Variants in GLCE observed in about 807,000 individuals in gnomAD.
GLCE encodes D-glucuronyl C5-epimerase.
GLCE carries 19 observed loss-of-function variants against 47.9 expected under a neutral mutation model. The observed-to-expected ratio is 0.40, with a 90% CI of 0.28 to 0.58. The LOEUF (loss-of-function observed/expected upper bound fraction) is 0.58. Ranked by LOEUF, GLCE falls within the 20% of genes least tolerant of loss-of-function variation. The pLI is 0.48. For synonymous variants in GLCE, 245 were observed against 263.4 expected (o/e 0.93, Z 0.68); for missense variants, 556 against 743.3 (o/e 0.75, Z 2.93).
intron 1 of GLCE, among the ~76,000 whole-genome samples, chr15:69,187,728 TG>T (rs1157072030): frequency 2.0e-5 from 3 of 152,168 alleles, no homozygotes; most frequent in African/African-American, 4.8e-5. Flanking sequence ...TTACATCAAT[TG>T]ATTCTCAAAT....
chr15:69,183,279 A>G (rs1357396750), intron 1 of GLCE, among the ~76,000 whole-genome samples: 1 of 152,180 alleles, frequency 6.6e-6, no homozygotes, highest in Non-Finnish European at 1.5e-5. Context: ...AATAAAGTGG[A>G]GAGCTTGATA....
At chr15:69,168,867 C>G (rs896433770) in intron 1 of GLCE, among the ~76,000 whole-genome samples, 1 of 151,830 alleles carries the variant, frequency 6.6e-6, no homozygotes. Context: ...TGATAGGACT[C>G]GAAGAAAAAA....
At chr15:69,164,509 ATGT>A (rs748563233) in intron 1 of GLCE, among the ~76,000 whole-genome samples, 16 of 150,138 alleles carry the variant, frequency 1.1e-4, no homozygotes, top group African/African-American at 2.7e-4. Flanking sequence ...TGACATGTGT[ATGT>A]TGTTATATAC....
At chr15:69,188,504 T>A (rs2051864108) in intron 1 of GLCE, among the ~76,000 whole-genome samples, 1 of 152,192 alleles carries the variant, frequency 6.6e-6, no homozygotes. Flanking sequence ...CCTTAAATGT[T>A]TGTTAGAATT....
At chr15:69,206,234 A>T (rs1296695466) in intron 1 of GLCE, among the ~76,000 whole-genome samples, 1 of 151,946 alleles carries the variant, frequency 6.6e-6, no homozygotes. Context: ...TTGTGATTAG[A>T]CTGAGGTTAT....
At chr15:69,185,496 A>G (rs757997494) in intron 1 of GLCE, among the ~76,000 whole-genome samples, 23 of 152,030 alleles carry the variant, frequency 1.5e-4, no homozygotes, top group Non-Finnish European at 3.4e-4. Context: ...TTCTAGCTCC[A>G]CTGCTTTCCA....
intron 1 of GLCE, among the ~76,000 whole-genome samples, chr15:69,190,234 TC>T (rs764872653): frequency 1.4e-4 from 21 of 152,158 alleles, no homozygotes; most frequent in Non-Finnish European, 2.5e-4. Context: ...GGGGTGTTGT[TC>T]CATGTGTACT....
chr15:69,255,251 A>G lies in GLCE; in HGVS notation c.-13-543A>G, dbSNP rs182421446. ...TTATTTGGCCCTAACTATTTAATAA[A>G]TGCTACATGTTGAGCATCCCAAGTT... On this transcript the variant is annotated intron_variant, in intron 2 of 4. Coordinates refer to ENST00000261858, the MANE Select transcript of GLCE (RefSeq NM_015554.3). Among the ~76,000 whole-genome samples, 132 of 152,324 alleles carry G rather than the reference A, an allele frequency of 8.7e-4. 2 individuals carry two copies. The highest frequency in any genetic ancestry group is 2.1e-4 in the Non-Finnish European group (14 of 68,026).
chr15:69,170,647 G>A (rs1421353621), intron 1 of GLCE, among the ~76,000 whole-genome samples: 3 of 152,112 alleles, frequency 2.0e-5, no homozygotes, highest in African/African-American at 7.2e-5. Flanking sequence ...AATACTTTCT[G>A]GTTTAGATGT....
intron 1 of GLCE, among the ~76,000 whole-genome samples, chr15:69,178,687 T>G (rs907351314): frequency 6.6e-6 from 1 of 152,158 alleles, no homozygotes; most frequent in Non-Finnish European, 1.5e-5. Flanking sequence ...CAAAGATATC[T>G]AGAATCACTG....
At chr15:69,174,226 G>A (rs1360363112) in intron 1 of GLCE, among the ~76,000 whole-genome samples, 1 of 152,214 alleles carries the variant, frequency 6.6e-6, no homozygotes, top group Non-Finnish European at 1.5e-5. Context: ...TTTTAGAAAT[G>A]TCACAGACTA....
intron 1 of GLCE, among the ~76,000 whole-genome samples, chr15:69,198,598 A>G (rs1047376149): frequency 1.3e-5 from 2 of 152,162 alleles, no homozygotes; most frequent in African/African-American, 4.8e-5. Flanking sequence ...ATGGCAGTTG[A>G]CTTAGAGCAA....
intron 2 of GLCE, among the ~76,000 whole-genome samples, chr15:69,244,918 A>G (rs1026884158): frequency 2.0e-5 from 3 of 152,266 alleles, no homozygotes; most frequent in Admixed American, 6.5e-5. Flanking sequence ...CCAGACCACC[A>G]TAATGTGAAT....
chr15:69,162,541 T>G (rs542566471), intron 1 of GLCE, among the ~76,000 whole-genome samples: 19 of 151,290 alleles, frequency 1.3e-4, no homozygotes, highest in Non-Finnish European at 2.8e-4. Flanking sequence ...CGTGTCAGTT[T>G]TTTTTTTTTC....
rs1279135319 is a variant in GLCE, at chr15:69,189,845, G to A, written c.-104-20471G>A. 2.0e-5 allele frequency among the ~76,000 whole-genome samples: 3 copies of A among 151,848 alleles called. No individual in the cohort carries two copies. The East Asian group carries it at 5.8e-4, about 29-fold the overall frequency. On this transcript the variant is annotated intron_variant, in intron 1 of 4. Transcript: ENST00000261858. ...TTTTTTAACTTTTATTTTAAGTTCA[G>A]GGGTACATGTGCAGGTTTGTTATAT... is the stretch of plus-strand genomic sequence containing the variant.
intron 2 of GLCE, among the ~76,000 whole-genome samples, chr15:69,210,772 C>T (rs941196377): frequency 6.6e-6 from 1 of 152,102 alleles, no homozygotes; most frequent in African/African-American, 2.4e-5. Flanking sequence ...GCCTATGGGC[C>T]AGCCACCTAT....
intron 2 of GLCE, among the ~76,000 whole-genome samples, chr15:69,234,527 GATAT>G (rs200555284): frequency 1.3e-5 from 2 of 151,606 alleles, no homozygotes; most frequent in African/African-American, 4.8e-5. Context: ...AAAATGTATT[GATAT>G]ATATATATGG....
At chr15:69,168,298 A>G (rs2051535428) in intron 1 of GLCE, among the ~76,000 whole-genome samples, 2 of 152,174 alleles carry the variant, frequency 1.3e-5, no homozygotes, top group African/African-American at 4.8e-5. Context: ...TGAAAAATTA[A>G]AAAACATAAG....
chr15:69,184,475 A>G (rs2051794854), intron 1 of GLCE, among the ~76,000 whole-genome samples: 1 of 152,242 alleles, frequency 6.6e-6, no homozygotes, highest in African/African-American at 2.4e-5. Context: ...CACTAATAGA[A>G]TAACAGTGTT....
Sources: allele counts gnomAD v4.1 joint callset (sites outside exome capture counted in the v4.1 genomes callset), GRCh38; gene constraint gnomAD v4.1.1; transcripts MANE v1.5; gene names NCBI Gene and HGNC (gene_info 2026-07-23, HGNC 2026-07-21).